The following CEP162 variants were observed in gnomAD, a reference collection of about 807,000 sequenced individuals.
CEP162 encodes the protein centrosomal protein of 162 kDa.
Under a neutral mutation model 169.2 loss-of-function variants are expected in CEP162, and 141 were observed. The observed-to-expected ratio is 0.83, with a 90% CI of 0.73 to 0.96. The LOEUF is 0.96. Ranked by LOEUF, CEP162 falls within the 40% of genes least tolerant of loss-of-function variation. The pLI is 0.00. For missense variants in CEP162, 1,600 were observed against 1,587.2 expected (o/e 1.01, Z -0.14); for synonymous variants, 540 against 526.4 (o/e 1.03, Z -0.35).
intron 3 of CEP162, 109 bp downstream of exon 3, chr6:84,220,948 C>T (rs2099553507): frequency 1.7e-6 from 1 of 574,722 alleles, no homozygotes; most frequent in South Asian, 2.5e-5. Flanking sequence ...AAAATCCACA[C>T]TATTAGTATT....
At chr6:84,156,514 G>A (rs902349728) in intron 21 of CEP162, among the ~76,000 whole-genome samples, 8 of 152,148 alleles carry the variant, frequency 5.3e-5, no homozygotes, top group East Asian at 1.9e-4. Flanking sequence ...AAACCACAAT[G>A]AGGTACCATC....
intron 17 of CEP162, 100 bp downstream of exon 17, chr6:84,171,506 T>A (rs2099530103): frequency 2.1e-6 from 1 of 469,638 alleles, no homozygotes; most frequent in Non-Finnish European, 3.7e-6. Flanking sequence ...AAATAAAATT[T>A]TACTATGTCT....
chr6:84,204,127 A>G (rs377421208), intron 6 of CEP162, 31 bp from the exon 7 acceptor site: 111 of 1,344,966 alleles, frequency 8.3e-5, no homozygotes, highest in Non-Finnish European at 1.1e-4. Context: ...AAGTACAAAG[A>G]CCACATTGTT....
chr6:84,168,692 G>A (rs1181024691), intron 18 of CEP162, among the ~76,000 whole-genome samples: 1 of 152,068 alleles, frequency 6.6e-6, no homozygotes, highest in Non-Finnish European at 1.5e-5. Flanking sequence ...AATTACTTCT[G>A]CTTAAAATAG....
chr6:84,187,912 A>ATTT (rs2127715868), intron 11 of CEP162, among the ~76,000 whole-genome samples: 1 of 152,332 alleles, frequency 6.6e-6, no homozygotes, highest in South Asian at 2.1e-4. Context: ...TGTAAGCAGA[A>ATTT]TTTAAAGAGA....
intron 13 of CEP162, among the ~76,000 whole-genome samples, chr6:84,180,656 A>C (rs2099534406): frequency 6.6e-6 from 1 of 151,156 alleles, no homozygotes; most frequent in African/African-American, 2.4e-5. Context: ...GTCTCAGGAT[A>C]CAAAATCAAT....
chr6:84,211,991 G>C (rs1244389385), intron 6 of CEP162, among the ~76,000 whole-genome samples: 2 of 149,910 alleles, frequency 1.3e-5, no homozygotes, highest in Non-Finnish European at 3.0e-5. Flanking sequence ...CTTCTCATGA[G>C]AAATAAGGTC....
chr6:84,194,908 T>C lies in CEP162; in HGVS notation c.1003A>G (p.Lys335Glu). 1.2e-6 allele frequency: 2 copies of C among 1,611,272 alleles called. No homozygotes were observed. Among genetic ancestry groups the C allele is most frequent in the Non-Finnish European group, 1.7e-6 (2 of 1,178,798 alleles). ...CCAGATTCCATAGTAGAGATGTTTT[T>C]TGAATTCTCTTCATTTTCTTGAGGA... ...GHPQENEENS[K>E]NISTMESDLP... The change falls in exon 10 of 27, where the codon AAA becomes GAA. Residue 335 changes from lysine (K) to glutamate (E), a missense_variant. Physicochemically the swap from Lys to Glu is moderately conservative, Grantham distance 56. Transcript: ENST00000403245.
At position 84,226,363 on chromosome 6, in the gene CEP162, C is replaced by T; in HGVS notation, c.31G>A (p.Glu11Lys). The T allele has an allele frequency of 6.4e-7, 1 of 1,567,166 alleles. No individual in the cohort carries two copies. Among genetic ancestry groups the T allele is most frequent in the Non-Finnish European group, 8.7e-7 (1 of 1,153,284 alleles). ...TCTTTCATAAACTGTTCAAACTCTT[C>T]ATCTAGCTCTTCTTGGGAACAGTTA... MANCSQEELD[E>K]EFEQFMKELS... Residue 11 changes from glutamate to lysine, a missense_variant, in exon 2 of 27, where the codon GAA becomes AAA. Glu to Lys is a moderately conservative substitution (Grantham distance 56, BLOSUM62 1). Coordinates refer to ENST00000403245, the MANE Select transcript of CEP162 (RefSeq NM_014895.4).
At chr6:84,164,255 C>A (rs535913515) in intron 18 of CEP162, among the ~76,000 whole-genome samples, 1 of 152,000 alleles carries the variant, frequency 6.6e-6, no homozygotes, top group African/African-American at 2.4e-5. Flanking sequence ...TTGGTGGGAG[C>A]GTAAATTAGT....
In CEP162 at chr6:84,146,727, A is replaced by G. The variant is rs374932489; in HGVS notation, c.3830T>C (p.Leu1277Pro). ...TTCTTCTCGAACTTCAGAAACTACG[A>G]GAGACTCTTGTTTACTCTGCAGCTC... ...VNELQSKQES[L>P]VVSEVREEIL... The change falls in exon 25 of 27, where the codon CTC becomes CCC. Residue 1277 changes from leucine to proline, a missense_variant. Physicochemically the swap from Leu to Pro is moderately conservative, Grantham distance 98. Transcript: ENST00000403245. The G allele has an allele frequency of 6.9e-6, 11 of 1,583,282 alleles. No homozygotes were observed. The African/African-American group carries it at 1.2e-4, about 17-fold the overall frequency.
intron 7 of CEP162, among the ~76,000 whole-genome samples, chr6:84,202,841 C>T (rs1367143587): frequency 6.6e-6 from 1 of 152,054 alleles, no homozygotes; most frequent in Non-Finnish European, 1.5e-5. Flanking sequence ...ACATTAATTT[C>T]TATGTTATTT....
intron 18 of CEP162, among the ~76,000 whole-genome samples, chr6:84,168,013 A>G (rs2099528515): frequency 6.6e-6 from 1 of 152,140 alleles, no homozygotes; most frequent in Non-Finnish European, 1.5e-5. Context: ...TCTTGAGAGC[A>G]TGGTTATCCA....
At chr6:84,217,138 C>T (rs1459986359) in intron 3 of CEP162, among the ~76,000 whole-genome samples, 3 of 152,038 alleles carry the variant, frequency 2.0e-5, no homozygotes, top group Non-Finnish European at 2.9e-5. Context: ...CTACTACACA[C>T]CAGGCATTGT....
intron 9 of CEP162, among the ~76,000 whole-genome samples, chr6:84,197,840 A>G (rs891293122): frequency 6.6e-6 from 1 of 151,352 alleles, no homozygotes; most frequent in South Asian, 2.1e-4. Flanking sequence ...AAAAAAAAAA[A>G]AAAGAGAGAA....
chr6:84,194,478 G>A (rs1199669264), intron 10 of CEP162, among the ~76,000 whole-genome samples: 2 of 140,072 alleles, frequency 1.4e-5, no homozygotes, highest in African/African-American at 5.2e-5. Flanking sequence ...TTTTAAGGCA[G>A]AGTCTCACTC....
intron 13 of CEP162, among the ~76,000 whole-genome samples, chr6:84,182,126 C>A (rs2099535129): frequency 2.0e-5 from 3 of 151,824 alleles, no homozygotes; most frequent in African/African-American, 7.3e-5. Flanking sequence ...AATATTTTGT[C>A]CATTTATCCA....
rs182238017 is a variant in CEP162 at position 84,176,488 on chromosome 6, G to T, written c.1664-1141C>A. ...TCACTGGAGGCTCATTAAATGAATG[G>T]GGTGTGATCTGCTAGCACATGATTC... On this transcript the variant is annotated intron_variant, in intron 13 of 26. Coordinates refer to ENST00000403245, the MANE Select transcript of CEP162 (RefSeq NM_014895.4). 2.0e-3 allele frequency among the ~76,000 whole-genome samples: 300 copies of T among 152,250 alleles called. 2 individuals carry two copies. The Middle Eastern group carries it at 0.02, about 10-fold the overall frequency.
chr6:84,186,931 T>A (rs1256945655), intron 11 of CEP162, among the ~76,000 whole-genome samples: 1 of 152,152 alleles, frequency 6.6e-6, no homozygotes, highest in East Asian at 1.9e-4. Context: ...AGAAGAAAAG[T>A]AAAATACAAA....
Sources: allele counts gnomAD v4.1 joint callset (sites outside exome capture counted in the v4.1 genomes callset), GRCh38; gene constraint gnomAD v4.1.1; transcripts MANE v1.5; gene names NCBI Gene and HGNC (gene_info 2026-07-23, HGNC 2026-07-21).